The following SMOX variants were observed in gnomAD, a reference collection of about 807,000 sequenced individuals.
The protein encoded by SMOX is flavin containing amine oxidase.
Under a neutral mutation model 51.0 loss-of-function variants are expected in SMOX, and 22 were observed. That is an observed-to-expected ratio of 0.43 (90% CI 0.31 to 0.62). The LOEUF (loss-of-function observed/expected upper bound fraction) is 0.62. Ranked by LOEUF, SMOX falls within the 20% of genes least tolerant of loss-of-function variation. The probability of loss-of-function intolerance (pLI) is 0.10; values close to 1 mark genes in which losing one functional copy is unlikely to be tolerated. For synonymous variants in SMOX, 282 were observed against 307.8 expected (o/e 0.92, Z 0.88); for missense variants, 566 against 777.7 (o/e 0.73, Z 3.24).
In SMOX at chr20:4,176,443, G is replaced by A. The variant is rs527509403; in HGVS notation, c.209-908G>A. On this transcript the variant is annotated intron_variant, in intron 2 of 6. Coordinates refer to ENST00000305958, the MANE Select transcript of SMOX (RefSeq NM_175839.3). ...AAAGTCACGTTGCAAAGGGGTGTGT[G>A]TACAAAGATAGGAGGAATCATTGTG... 2.6e-5 allele frequency among the ~76,000 whole-genome samples: 4 copies of A among 152,290 alleles called. No homozygotes were observed. The East Asian group carries it at 5.8e-4, about 22-fold the overall frequency.
chr20:4,162,802 C>G (rs1262705862), intron 1 of SMOX, among the ~76,000 whole-genome samples: 1 of 152,232 alleles, frequency 6.6e-6, no homozygotes, highest in Non-Finnish European at 1.5e-5. Flanking sequence ...CAAGATCACT[C>G]AGAGCTAGAC....
Position 4,182,324 on chromosome 20 carries a change from G to A in SMOX, c.845G>A (p.Gly282Asp), listed in dbSNP as rs757930768. The A allele has an allele frequency of 2.5e-6, 4 of 1,597,216 alleles. No homozygotes were observed. The African/African-American group carries it at 5.4e-5, about 21-fold the overall frequency. ...RPRGPEIEPR[G>D]EGDHNHDTGE... ...AGAGGCCCTGAGATTGAGCCCCGGG[G>A]TGAGGGCGACCACAATCACGACACT... Residue 282 changes from glycine to aspartate, a missense_variant, in exon 5 of 7, where the codon GGT becomes GAT. Gly to Asp is a moderately conservative substitution (Grantham distance 94). Coordinates refer to ENST00000305958, the MANE Select transcript of SMOX (RefSeq NM_175839.3). The surrounding 1 kb of genome is among the most constrained non-coding windows in gnomAD (Gnocchi z 8.4).
intron 1 of SMOX, among the ~76,000 whole-genome samples, chr20:4,161,699 G>A (rs1986328943): frequency 1.3e-5 from 2 of 152,318 alleles, no homozygotes; most frequent in East Asian, 3.9e-4. Context: ...CAAGCAGTTA[G>A]TTTCCTGTCT....
intron 3 of SMOX, among the ~76,000 whole-genome samples, chr20:4,178,680 CTTTCTTTCT>C (rs1262880017): frequency 1.0e-5 from 1 of 98,692 alleles, no homozygotes; most frequent in African/African-American, 4.9e-5. Context: ...TTCTTTCTTT[CTTTCTTTCT>C]TTTTTTTTTT....
Position 4,183,765 on chromosome 20 carries a change from G to GGC in SMOX, c.1530+112_1530+113dup. 7.9e-7 allele frequency: 1 copy of GGC among 1,265,482 alleles called. No individual in the cohort carries two copies. The highest frequency in any genetic ancestry group is 1.0e-6 in the Non-Finnish European group (1 of 960,154). The allele number at this position is 1,265,482 out of a possible 1,614,324, so 78.4% of individuals were successfully genotyped here. A position where few individuals can be genotyped will look rare whatever the true frequency, so the allele number is the denominator to read the frequency against. ...TGTTCACTAAGGGGTGCTCAGGTGA[G>GGC]GCAGGGATGGAGTAGCTTCTGTAAT... On this transcript the variant is annotated intron_variant, in intron 6 of 6. Transcript: ENST00000305958. This position sits in a 1 kb window ranked among gnomAD's most constrained non-coding sequence, Gnocchi z 4.3.
rs539608735 is a variant in SMOX at position 4,167,564 on chromosome 20, G to A, written c.-26-7466G>A. Among the ~76,000 whole-genome samples the A allele has an allele frequency of 9.9e-5, 15 of 152,272 alleles. No individual in the cohort carries two copies. Among genetic ancestry groups the A allele is most frequent in the South Asian group, 6.2e-4 (3 of 4,816 alleles). Reference sequence around the variant, plus strand: ...CCAGGTAGTGGGGTACAGAGGGTGCGTCCTTGGAGTGAGTTCAGAGGTGTT... The same window carrying A: ...CCAGGTAGTGGGGTACAGAGGGTGCATCCTTGGAGTGAGTTCAGAGGTGTT... On this transcript the variant is annotated intron_variant, in intron 1 of 6. Transcript: ENST00000305958. The surrounding 1 kb of genome is among the most constrained non-coding windows in gnomAD (Gnocchi z 4.8).
chr20:4,175,677 G>A (rs1395242091), intron 2 of SMOX, among the ~76,000 whole-genome samples: 1 of 152,196 alleles, frequency 6.6e-6, no homozygotes, highest in African/African-American at 2.4e-5. Context: ...AGGATCCTGG[G>A]TTAGCAGAGA....
rs1012295107 is a variant in SMOX at position 4,149,137 on chromosome 20, G to C, written c.-27+160G>C. On this transcript the variant is annotated intron_variant, in intron 1 of 6. Transcript: ENST00000305958. This position sits in a 1 kb window ranked among gnomAD's most constrained non-coding sequence, Gnocchi z 6.0. ...CGGCCAGCGCGGCGCTCGGGCGCTCGGGCGGGGGTGCGGGGCGTTCCGGGA... is the reference window on the plus strand; with the variant it reads ...CGGCCAGCGCGGCGCTCGGGCGCTCCGGCGGGGGTGCGGGGCGTTCCGGGA... 5.4e-5 allele frequency among the ~76,000 whole-genome samples: 8 copies of C among 149,070 alleles called. No individual in the cohort carries two copies. The highest frequency in any genetic ancestry group is 7.5e-5 in the Non-Finnish European group (5 of 66,822).
chr20:4,174,979 G>A (rs1022548797), intron 1 of SMOX, 51 bp from the exon 2 acceptor site: 3 of 1,563,928 alleles, frequency 1.9e-6, no homozygotes, highest in African/African-American at 2.7e-5. Flanking sequence ...CTTGGGGCAG[G>A]TGGGAAGTGA....
At chr20:4,152,991 C>T (rs1348311825) in intron 1 of SMOX, among the ~76,000 whole-genome samples, 1 of 152,192 alleles carries the variant, frequency 6.6e-6, no homozygotes, top group Non-Finnish European at 1.5e-5. Context: ...TCATGCCTCT[C>T]AGTTATGTGT....
At chr20:4,185,661 C>G (rs1979674479) in intron 6 of SMOX, among the ~76,000 whole-genome samples, 1 of 102,732 alleles carries the variant, frequency 9.7e-6, no homozygotes, top group Admixed American at 1.1e-4. Context: ...CACACACACA[C>G]AAATAAATAA....
intron 2 of SMOX, among the ~76,000 whole-genome samples, chr20:4,176,801 T>C (rs1312359154): frequency 6.6e-6 from 1 of 152,196 alleles, no homozygotes; most frequent in African/African-American, 2.4e-5. Context: ...TCAAAGGATG[T>C]AGAGGGCTTC....
At chr20:4,158,024 C>T (rs962479372) in intron 1 of SMOX, among the ~76,000 whole-genome samples, 1 of 151,554 alleles carries the variant, frequency 6.6e-6, no homozygotes, top group Non-Finnish European at 1.5e-5. Context: ...CCTCAGCCTC[C>T]CGAGTAGCTG....
chr20:4,174,959 C>T, intron 1 of SMOX, 71 bp from the exon 2 acceptor site: 8 of 1,467,360 alleles, frequency 5.5e-6, no homozygotes, highest in Non-Finnish European at 7.5e-6. Context: ...GATGAAAGCC[C>T]TGAGTGTCCC....
chr20:4,165,147 G>A (rs991118973), intron 1 of SMOX, among the ~76,000 whole-genome samples: 1 of 137,468 alleles, frequency 7.3e-6, no homozygotes, highest in Non-Finnish European at 1.5e-5. Context: ...CTCCGCCTCC[G>A]AGGTTCAAGT....
At chr20:4,180,038 A>T (rs937083468) in intron 3 of SMOX, among the ~76,000 whole-genome samples, 8 of 152,168 alleles carry the variant, frequency 5.3e-5, no homozygotes, top group African/African-American at 1.9e-4. Context: ...CCTCTAGTTA[A>T]CATAAGCTAA....
intron 6 of SMOX, among the ~76,000 whole-genome samples, chr20:4,186,587 C>T (rs6139351): frequency 0.19 from 28,950 of 152,152 alleles, 2,813 homozygotes; most frequent in South Asian, 0.2. Context: ...CAGCATCTTC[C>T]GAGAACCAGT....
intron 1 of SMOX, among the ~76,000 whole-genome samples, chr20:4,156,185 T>TAAA: frequency 6.6e-6 from 1 of 152,216 alleles, no homozygotes; most frequent in Non-Finnish European, 1.5e-5. Context: ...AGAAACTGTT[T>TAAA]AGTGTTTCCC....
rs145196464 is a variant in SMOX, at chr20:4,182,802, C to T, written c.1323C>T (p.Asp441=). ...EEALVMEKCD[D]EAVAEICTEM... Reference sequence around the variant, plus strand: ...CCCTCGTCATGGAGAAGTGTGATGACGAGGCAGTGGCCGAGATCTGCACGG... The same window carrying T: ...CCCTCGTCATGGAGAAGTGTGATGATGAGGCAGTGGCCGAGATCTGCACGG... Residue 441 remains aspartate (D), a synonymous_variant, in exon 5 of 7, where the codon GAC becomes GAT. Coordinates refer to ENST00000305958, the MANE Select transcript of SMOX (RefSeq NM_175839.3). This position sits in a 1 kb window ranked among gnomAD's most constrained non-coding sequence, Gnocchi z 8.4. The T allele has an allele frequency of 7.0e-5, 109 of 1,550,368 alleles. No homozygotes were observed. The highest frequency in any genetic ancestry group is 5.8e-4 in the African/African-American group (39 of 66,798).
Sources: gnomAD v4.1 joint callset for allele counts (sites outside exome capture counted in the v4.1 genomes callset) on GRCh38, gnomAD v4.1.1 for gene constraint, Gnocchi (gnomAD v3.1) non-coding constraint, MANE v1.5 for transcripts, NCBI Gene and HGNC (gene_info 2026-07-23, HGNC 2026-07-21) for gene names.